The following MEGF9 variants were observed in gnomAD, a reference collection of about 807,000 sequenced individuals.
MEGF9 encodes the protein multiple epidermal growth factor-like domains protein 9.
A neutral mutation model predicts 46.8 loss-of-function variants in MEGF9; 6 were observed. The observed-to-expected ratio is 0.13, with a 90% CI of 0.07 to 0.25. The LOEUF (loss-of-function observed/expected upper bound fraction) is 0.25. Ranked by LOEUF, MEGF9 falls within the 10% of genes least tolerant of loss-of-function variation. The pLI is 1.00. For synonymous variants in MEGF9, 302 were observed against 330.7 expected, an observed-to-expected ratio of 0.91 and a Z score of 0.94; for missense variants, 683 against 792.4, an observed-to-expected ratio of 0.86 and a Z score of 1.66.
chr9:120,612,593 A>G, intron 3 of MEGF9, 54 bp from the exon 4 acceptor site: 2 of 1,501,324 alleles, frequency 1.3e-6, no homozygotes, highest in Non-Finnish European at 1.8e-6. Context: ...AAAGCCAAGT[A>G]ACTTTCAAAA....
chr9:120,613,620 T>C (rs1214723287), intron 3 of MEGF9, among the ~76,000 whole-genome samples: 2 of 152,182 alleles, frequency 1.3e-5, no homozygotes, highest in Non-Finnish European at 2.9e-5. Context: ...GGTTTTGTAA[T>C]AATACTCCCT....
At chr9:120,687,579 G>A (rs1409213113) in intron 1 of MEGF9, among the ~76,000 whole-genome samples, 2 of 151,290 alleles carry the variant, frequency 1.3e-5, no homozygotes, top group African/African-American at 4.9e-5. Context: ...AGAATTACAT[G>A]GAACAATATA....
chr9:120,678,586 C>A (rs1238359056), intron 1 of MEGF9, among the ~76,000 whole-genome samples: 1 of 152,188 alleles, frequency 6.6e-6, no homozygotes, highest in African/African-American at 2.4e-5. Flanking sequence ...AATTCTCATG[C>A]CTCAGCCTCC....
chr9:120,696,648 G>A (rs1266243639), intron 1 of MEGF9, among the ~76,000 whole-genome samples: 2 of 152,134 alleles, frequency 1.3e-5, no homozygotes, highest in African/African-American at 4.8e-5. Flanking sequence ...AGAGTTTAAA[G>A]CACAAGGGGA....
intron 1 of MEGF9, among the ~76,000 whole-genome samples, chr9:120,692,755 T>G (rs2043855228): frequency 6.6e-6 from 1 of 152,160 alleles, no homozygotes; most frequent in Non-Finnish European, 1.5e-5. Context: ...CTTCTGTACT[T>G]TTTCAACAGG....
intron 2 of MEGF9, among the ~76,000 whole-genome samples, chr9:120,623,217 C>T (rs774767599): frequency 6.6e-6 from 1 of 152,206 alleles, no homozygotes; most frequent in Non-Finnish European, 1.5e-5. Context: ...ATACTATCTA[C>T]TCCTAAGATT....
chr9:120,645,082 G>C (rs2043619758), intron 2 of MEGF9, among the ~76,000 whole-genome samples: 1 of 152,152 alleles, frequency 6.6e-6, no homozygotes, highest in African/African-American at 2.4e-5. Context: ...CATAAGTATA[G>C]CATGAACAGG....
At chr9:120,698,011 G>C (rs978874771) in intron 1 of MEGF9, among the ~76,000 whole-genome samples, 2 of 152,192 alleles carry the variant, frequency 1.3e-5, no homozygotes, top group Non-Finnish European at 2.9e-5. Context: ...CAGAGGGCTA[G>C]TTTTGAATTC....
At chr9:120,669,764 AC>A (rs2043740492) in intron 1 of MEGF9, among the ~76,000 whole-genome samples, 1 of 152,180 alleles carries the variant, frequency 6.6e-6, no homozygotes, top group African/African-American at 2.4e-5. Flanking sequence ...TAAAAATGTG[AC>A]AGTATCAGAA....
chr9:120,622,677 A>AAAG lies in MEGF9; in HGVS notation c.881_882insCTT (p.Ser294_Lys295insPhe). 6.2e-7 allele frequency: 1 copy of AAAG among 1,613,886 alleles called. No individual in the cohort carries two copies. Among genetic ancestry groups the AAAG allele is most frequent in the Non-Finnish European group, 8.5e-7 (1 of 1,179,860 alleles). On this transcript the variant is annotated inframe_insertion, in exon 3 of 6. Transcript: ENST00000373930. ...ATTGGCAGGGCAAGCAGCCATTCTT[A>AAAG]CTAAAGCCATAATATCCATCTTGGC...
chr9:120,706,828 C>T (rs2043931353), intron 1 of MEGF9, among the ~76,000 whole-genome samples: 1 of 152,086 alleles, frequency 6.6e-6, no homozygotes, highest in African/African-American at 2.4e-5. Context: ...GAGTGAGACC[C>T]TGTCTCAAAA....
rs75543193 is a variant in MEGF9, at chr9:120,697,567, A to G, written c.601+16191T>C. On this transcript the variant is annotated intron_variant, in intron 1 of 5. Coordinates refer to ENST00000373930, the MANE Select transcript of MEGF9 (RefSeq NM_001080497.3). The stretch of plus-strand genomic sequence containing the variant: ...ATGTGGTATTACTTGCTAAATGCTA[A>G]TAAGCATGACATTGTCTCTTGTTAG... 2.7e-3 allele frequency among the ~76,000 whole-genome samples: 409 copies of G among 152,316 alleles called. 4 individuals are homozygous for G. The highest frequency in any genetic ancestry group is 8.4e-3 in the African/African-American group (350 of 41,556).
At chr9:120,634,428 T>C (rs2043564348) in intron 2 of MEGF9, among the ~76,000 whole-genome samples, 1 of 150,332 alleles carries the variant, frequency 6.7e-6, no homozygotes, top group East Asian at 1.9e-4. Context: ...ACTTTTGGTT[T>C]CCATATGTGT....
chr9:120,669,080 T>C (rs987463532), intron 1 of MEGF9, among the ~76,000 whole-genome samples: 1 of 152,226 alleles, frequency 6.6e-6, no homozygotes, highest in African/African-American at 2.4e-5. Flanking sequence ...AAGGTCAAAT[T>C]ATATATGGCC....
chr9:120,622,406 T>C (rs1160544962), intron 3 of MEGF9, among the ~76,000 whole-genome samples: 2 of 146,184 alleles, frequency 1.4e-5, no homozygotes, highest in South Asian at 4.5e-4. Context: ...CTTGCCTCCA[T>C]AGGTATATGA....
chr9:120,673,875 C>T (rs1447354208), intron 1 of MEGF9, among the ~76,000 whole-genome samples: 2 of 148,460 alleles, frequency 1.3e-5, no homozygotes, highest in Admixed American at 6.9e-5. Flanking sequence ...GAGGCTGAGA[C>T]GGGAGAATCA....
intron 1 of MEGF9, among the ~76,000 whole-genome samples, chr9:120,699,595 T>A (rs2043894153): frequency 6.6e-6 from 1 of 151,164 alleles, no homozygotes; most frequent in Non-Finnish European, 1.5e-5. Context: ...TGGTGGCACA[T>A]GCCTGTAGTC....
chr9:120,698,432 T>C (rs1316421037), intron 1 of MEGF9, among the ~76,000 whole-genome samples: 2 of 152,220 alleles, frequency 1.3e-5, no homozygotes, highest in African/African-American at 4.8e-5. Flanking sequence ...AATTCTAGCT[T>C]GACCTGGGCC....
In MEGF9 at chr9:120,605,359, T is replaced by A. The variant is rs372166478; in HGVS notation, c.1640A>T (p.Asn547Ile). 1 of 1,614,020 alleles carries A rather than the reference T, an allele frequency of 6.2e-7. No homozygotes were observed. The highest frequency in any genetic ancestry group is 1.3e-5 in the African/African-American group (1 of 75,030). ...MYREYQNRKLNAPFWTIELKE... is the reference protein window; with the variant it reads ...MYREYQNRKLIAPFWTIELKE... ...CAGCTCGATGGTCCAAAAGGGGGCA[T>A]TGAGTTTCCGGTTTTGGTACTCGCG... is the stretch of plus-strand genomic sequence containing the variant. Residue 547 changes from asparagine (N) to isoleucine (I), a missense_variant, in exon 6 of 6, where the codon AAT becomes ATT. By Grantham distance (149) the Asn-to-Ile change is moderately radical (BLOSUM62 -3). Around this residue, in one of 2 missense-constraint regions of MEGF9, gnomAD observed 313 missense variants for 421.1 expected, o/e 0.74. Coordinates refer to ENST00000373930, the MANE Select transcript of MEGF9 (RefSeq NM_001080497.3). This position sits in a 1 kb window ranked among gnomAD's most constrained non-coding sequence, Gnocchi z 4.0.
Sources: allele counts gnomAD v4.1 joint callset (sites outside exome capture counted in the v4.1 genomes callset), GRCh38; gene constraint gnomAD v4.1.1; regional missense constraint gnomAD v4.1.1; non-coding constraint Gnocchi (gnomAD v3.1); transcripts MANE v1.5; gene names NCBI Gene and HGNC (gene_info 2026-07-23, HGNC 2026-07-21).